ELP6: variants seen among roughly 807,000 people sequenced by gnomAD.
The protein encoded by ELP6 is elongator acetyltransferase complex subunit 6.
Under a neutral mutation model 28.1 loss-of-function variants are expected in ELP6, and 23 were observed. That is an observed-to-expected ratio of 0.82 (90% CI 0.59 to 1.16). ELP6 has a LOEUF of 1.16. Ranked by LOEUF, ELP6 falls within the 50% of genes most tolerant of loss-of-function variation. The pLI is 0.00. For synonymous variants in ELP6, 132 were observed against 135.8 expected (o/e 0.97, Z 0.19); for missense variants, 313 against 334.6 (o/e 0.94, Z 0.50).
At chr3:47,500,368 AG>A (rs1241827929) in intron 5 of ELP6, 3 of 312,086 alleles carry the variant, frequency 9.6e-6, no homozygotes, top group African/African-American at 6.8e-5. Context: ...TGGGCAACAT[AG>A]TGAGACCAAG....
intron 1 of ELP6, 37 bp downstream of exon 1, chr3:47,513,500 C>A: frequency 6.2e-7 from 1 of 1,603,394 alleles, no homozygotes; most frequent in Non-Finnish European, 8.5e-7. Flanking sequence ...GCTGCCCTGC[C>A]AGGTCCCGCC....
At chr3:47,503,751 A>G (rs1250141111) in intron 4 of ELP6, among the ~76,000 whole-genome samples, 2 of 151,976 alleles carry the variant, frequency 1.3e-5, no homozygotes, top group Non-Finnish European at 2.9e-5. Context: ...TTAGCCGGGC[A>G]TGGTGGCGGG....
Position 47,497,376 on chromosome 3 carries a change from G to A in ELP6, c.672+910C>T, listed in dbSNP as rs6770396. 1.1e-3 allele frequency: 1,075 copies of A among 975,132 alleles called. 12 individuals are homozygous for A. In the African/African-American group the frequency reaches 0.018, roughly 16 times the overall value. The allele number at this position is 975,132 out of a possible 1,614,324, so 60.4% of individuals were successfully genotyped here. Reference sequence around the variant, plus strand: ...TTTTGAGACAGAGTCTCACTCTGTCGCCCAGGCTGGAGTGCAGTGGCGCGA... The same window carrying A: ...TTTTGAGACAGAGTCTCACTCTGTCACCCAGGCTGGAGTGCAGTGGCGCGA... On this transcript the variant is annotated intron_variant, in intron 6 of 6. Coordinates refer to ENST00000296149, the MANE Select transcript of ELP6 (RefSeq NM_001031703.3).
chr3:47,496,060 G>A lies in ELP6; in HGVS notation c.*9C>T, dbSNP rs746073152. Reference sequence around the variant, plus strand: ...AGTCCTATGTAGCTTCAGCTGCTCCGAAATCAGGTCACAGAACAGCAGGAG... The same window carrying A: ...AGTCCTATGTAGCTTCAGCTGCTCCAAAATCAGGTCACAGAACAGCAGGAG... On this transcript the variant is annotated 3_prime_UTR_variant, in exon 7 of 7. Coordinates refer to ENST00000296149, the MANE Select transcript of ELP6 (RefSeq NM_001031703.3). 4.2e-5 allele frequency: 68 copies of A among 1,613,996 alleles called. No individual in the cohort carries two copies. Among genetic ancestry groups the A allele is most frequent in the Middle Eastern group, 3.3e-4 (2 of 6,062 alleles).
chr3:47,505,500 G>T (rs1352693374), intron 3 of ELP6, among the ~76,000 whole-genome samples: 1 of 152,070 alleles, frequency 6.6e-6, no homozygotes, highest in Admixed American at 6.6e-5. Context: ...TGCCTCCTAG[G>T]TTCAAGCGAT....
intron 3 of ELP6, among the ~76,000 whole-genome samples, chr3:47,509,054 G>C (rs868275752): frequency 6.6e-6 from 1 of 150,908 alleles, no homozygotes. Context: ...GTGAGCCACC[G>C]TGCCCAGCCT....
intron 4 of ELP6, chr3:47,502,329 G>A (rs1415890936): frequency 7.3e-6 from 6 of 818,882 alleles, no homozygotes; most frequent in Non-Finnish European, 8.8e-6. Context: ...AGAATTGCTT[G>A]AACCTGGGAG....
chr3:47,503,755 T>G (rs528863155), intron 4 of ELP6, among the ~76,000 whole-genome samples: 2 of 152,022 alleles, frequency 1.3e-5, no homozygotes, highest in South Asian at 4.2e-4. Flanking sequence ...CCGGGCATGG[T>G]GGCGGGCGCC....
chr3:47,502,572 C>G, intron 4 of ELP6: 1 of 983,720 alleles, frequency 1.0e-6, no homozygotes, highest in Non-Finnish European at 1.2e-6. Flanking sequence ...CAGTAGCTCA[C>G]ACCTGTAATC....
At chr3:47,497,287 G>A (rs1708504594) in intron 6 of ELP6, 11 of 985,254 alleles carry the variant, frequency 1.1e-5, no homozygotes, top group Middle Eastern at 1.0e-3. Flanking sequence ...GTGAGTGGCA[G>A]CAGTTGGGGC....
At chr3:47,503,270 G>C (rs1708720295) in intron 4 of ELP6, 1 of 1,270,696 alleles carries the variant, frequency 7.9e-7, no homozygotes, top group Non-Finnish European at 1.0e-6. Context: ...TGAGAGATAA[G>C]GCAGTGGGGG....
chr3:47,513,262 G>A, intron 1 of ELP6: 6 of 1,310,084 alleles, frequency 4.6e-6, no homozygotes, highest in Non-Finnish European at 5.8e-6. Flanking sequence ...AAACTGCTGG[G>A]ATTACAGGGG....
Position 47,501,737 on chromosome 3 carries a change from G to A in ELP6, c.438C>T (p.Leu146=), listed in dbSNP as rs367968152. Residue 146 remains leucine, a synonymous_variant, in exon 5 of 7, where the codon CTC becomes CTT. Transcript: ENST00000296149. ...CCATGCCCAGGCTCAGGAGCACACT[G>A]AGGTCGTCCACCAACAGCACCGGGT... ...WTYPVLLVDD[L]SVLLSLGMGA... is the part of the protein sequence containing the mutation. 1.3e-4 allele frequency: 217 copies of A among 1,613,868 alleles called. No individual in the cohort carries two copies. The highest frequency in any genetic ancestry group is 1.7e-4 in the Non-Finnish European group (206 of 1,179,992).
intron 2 of ELP6, among the ~76,000 whole-genome samples, chr3:47,510,947 G>A (rs1708998118): frequency 6.6e-6 from 1 of 152,200 alleles, no homozygotes; most frequent in African/African-American, 2.4e-5. Flanking sequence ...GAAACAGTGA[G>A]CACATGCCAC....
chr3:47,512,132 G>T, intron 1 of ELP6: 1 of 937,084 alleles, frequency 1.1e-6, no homozygotes, highest in Non-Finnish European at 1.3e-6. Context: ...AATCCACAAG[G>T]ATCTACTGAA....
intron 3 of ELP6, among the ~76,000 whole-genome samples, chr3:47,506,328 A>T (rs970448372): frequency 1.1e-4 from 17 of 152,196 alleles, no homozygotes; most frequent in African/African-American, 3.4e-4. Context: ...ATAACATCTT[A>T]TCAGGAGACA....
At chr3:47,510,580 CCA>C (rs1478552152) in intron 2 of ELP6, among the ~76,000 whole-genome samples, 1 of 152,136 alleles carries the variant, frequency 6.6e-6, no homozygotes, top group Non-Finnish European at 1.5e-5. Context: ...AGTGATCTGA[CCA>C]CCTCAGCCTC....
At chr3:47,502,154 A>C (rs1708681250) in intron 4 of ELP6, among the ~76,000 whole-genome samples, 1 of 152,082 alleles carries the variant, frequency 6.6e-6, no homozygotes, top group Non-Finnish European at 1.5e-5. Context: ...CAAACCTGTA[A>C]TCCCAGCACT....
At chr3:47,503,048 G>C in intron 4 of ELP6, 8 of 1,026,408 alleles carry the variant, frequency 7.8e-6, no homozygotes, top group Non-Finnish European at 9.4e-6. Context: ...AGGGCAACTG[G>C]CCTACTGCCT....
Sources: allele counts gnomAD v4.1 joint callset (sites outside exome capture counted in the v4.1 genomes callset), GRCh38; gene constraint gnomAD v4.1.1; transcripts MANE v1.5; gene names NCBI Gene and HGNC (gene_info 2026-07-23, HGNC 2026-07-21).